The following EMILIN2 variants were observed in gnomAD, a reference collection of about 807,000 sequenced individuals.
EMILIN2 encodes the protein EMILIN-2.
In EMILIN2, 71 loss-of-function variants were observed where a neutral mutation model predicts 87.1. That is an observed-to-expected ratio of 0.82 (90% CI 0.67 to 0.99). The LOEUF is 0.99. EMILIN2 is among the 50% of genes least tolerant of loss of function. The pLI, the probability that EMILIN2 is intolerant of heterozygous loss-of-function variation, is 0.00. For synonymous variants in EMILIN2, 581 were observed against 563.4 expected (o/e 1.03, Z -0.44); for missense variants, 1,407 against 1,371.8 (o/e 1.03, Z -0.40).
At chr18:2,883,053 C>T (rs964965865) in intron 2 of EMILIN2, among the ~76,000 whole-genome samples, 7 of 152,230 alleles carry the variant, frequency 4.6e-5, no homozygotes, top group Admixed American at 1.3e-4. Flanking sequence ...AAACAAAAAA[C>T]ACAACAAAAA....
At chr18:2,883,259 T>A (rs1294499742) in intron 2 of EMILIN2, among the ~76,000 whole-genome samples, 1 of 76,036 alleles carries the variant, frequency 1.3e-5, no homozygotes, top group African/African-American at 5.0e-5. Flanking sequence ...ATTTGTGCTT[T>A]CCTCAGGGAG....
chr18:2,868,139 A>G (rs558612781), intron 2 of EMILIN2, among the ~76,000 whole-genome samples: 8 of 150,940 alleles, frequency 5.3e-5, no homozygotes, highest in Admixed American at 5.3e-4. Flanking sequence ...GTTGCCAGGC[A>G]GAGGGTCTCC....
chr18:2,874,139 C>A (rs2076736128), intron 2 of EMILIN2, among the ~76,000 whole-genome samples: 1 of 152,012 alleles, frequency 6.6e-6, no homozygotes, highest in Non-Finnish European at 1.5e-5. Flanking sequence ...GCATGGCCAC[C>A]TCCTCCATCA....
intron 4 of EMILIN2, among the ~76,000 whole-genome samples, chr18:2,902,492 C>T (rs945905789): frequency 3.9e-5 from 6 of 152,040 alleles, no homozygotes; most frequent in South Asian, 2.1e-4. Context: ...TTTTGAACTG[C>T]GACTTCAGGA....
rs371400660 is a variant in EMILIN2, at chr18:2,868,163, G to C, written c.258-16801G>C. 7.5e-3 allele frequency among the ~76,000 whole-genome samples: 1,147 copies of C among 152,274 alleles called. 4 individuals carry two copies. Among genetic ancestry groups the C allele is most frequent in the Admixed American group, 0.012 (190 of 15,292 alleles). On this transcript the variant is annotated intron_variant, in intron 2 of 7. Transcript: ENST00000254528. ...CAGAGGGTCTCCTCACTTCTCAGACGGGGTGGCTGGGCAGAGACGCTCCTC... is the reference window on the plus strand; with the variant it reads ...CAGAGGGTCTCCTCACTTCTCAGACCGGGTGGCTGGGCAGAGACGCTCCTC...
chr18:2,865,618 C>A (rs2076682589), intron 2 of EMILIN2, among the ~76,000 whole-genome samples: 1 of 152,218 alleles, frequency 6.6e-6, no homozygotes, highest in Admixed American at 6.5e-5. Context: ...GAGTCTGCCC[C>A]TACTGGGGGG....
At chr18:2,883,109 C>G (rs996765618) in intron 2 of EMILIN2, among the ~76,000 whole-genome samples, 8 of 152,122 alleles carry the variant, frequency 5.3e-5, no homozygotes, top group African/African-American at 1.9e-4. Context: ...GTCTAATGGG[C>G]TTGGCGGGTC....
chr18:2,889,093 CTTTCTT>C (rs371580646), intron 3 of EMILIN2, among the ~76,000 whole-genome samples: 153 of 138,690 alleles, frequency 1.1e-3, no homozygotes, highest in African/African-American at 3.3e-3. Flanking sequence ...GTATTTCTTT[CTTTCTT>C]TTTCTTTTTC....
intron 3 of EMILIN2, among the ~76,000 whole-genome samples, chr18:2,889,579 C>T (rs78219557): frequency 0.019 from 2,924 of 152,038 alleles, 101 homozygotes; most frequent in African/African-American, 0.066. Flanking sequence ...CTATCATTCC[C>T]CCCTTATTAA....
chr18:2,876,750 A>T (rs1373491516), intron 2 of EMILIN2, among the ~76,000 whole-genome samples: 2 of 152,126 alleles, frequency 1.3e-5, no homozygotes, highest in African/African-American at 2.4e-5. Flanking sequence ...TGGGAGACAG[A>T]GTGAGACTCT....
At chr18:2,884,245 C>A (rs987835431) in intron 2 of EMILIN2, among the ~76,000 whole-genome samples, 1 of 150,294 alleles carries the variant, frequency 6.7e-6, no homozygotes, top group Non-Finnish European at 1.5e-5. Context: ...CGTGAGCCAC[C>A]GCGCCCAGCC....
chr18:2,867,171 C>T (rs1027579552), intron 2 of EMILIN2, among the ~76,000 whole-genome samples: 6 of 151,832 alleles, frequency 4.0e-5, no homozygotes, highest in Non-Finnish European at 7.4e-5. Context: ...TTTGTTAGGT[C>T]GTTTCCTGGT....
At chr18:2,884,733 G>A (rs528615386) in intron 2 of EMILIN2, among the ~76,000 whole-genome samples, 8 of 152,278 alleles carry the variant, frequency 5.3e-5, no homozygotes, top group African/African-American at 1.9e-4. Flanking sequence ...GCTGGGAAAC[G>A]GGTGCTCAGG....
At chr18:2,885,204 C>T in intron 3 of EMILIN2, 65 bp downstream of exon 3, 2 of 1,488,458 alleles carry the variant, frequency 1.3e-6, no homozygotes, top group Admixed American at 4.4e-5. Flanking sequence ...CTTCAAACAA[C>T]AGGATTTGTG....
At chr18:2,885,234 G>C (rs1370412762) in intron 3 of EMILIN2, 95 bp downstream of exon 3, 2 of 1,365,708 alleles carry the variant, frequency 1.5e-6, no homozygotes, top group African/African-American at 1.5e-5. Context: ...GGTGAGCTTT[G>C]AATGGCCTTC....
intron 7 of EMILIN2, among the ~76,000 whole-genome samples, chr18:2,910,037 T>TA (rs1261588462): frequency 1.3e-5 from 2 of 152,080 alleles, no homozygotes; most frequent in Non-Finnish European, 2.9e-5. Context: ...CATGGGTGTG[T>TA]AACATTTTCT....
chr18:2,875,451 G>A (rs2076742731), intron 2 of EMILIN2, among the ~76,000 whole-genome samples: 1 of 152,298 alleles, frequency 6.6e-6, no homozygotes, highest in African/African-American at 2.4e-5. Flanking sequence ...GAATGGGATA[G>A]TATAGAATGT....
chr18:2,874,078 TG>T (rs776048125), intron 2 of EMILIN2, among the ~76,000 whole-genome samples: 23 of 151,642 alleles, frequency 1.5e-4, no homozygotes, highest in Non-Finnish European at 3.1e-4. Context: ...AAAAGTCCGT[TG>T]GCCACCCTGA....
Position 2,913,672 on chromosome 18 carries a change from C to T in EMILIN2, c.*268C>T, listed in dbSNP as rs2076953535. ...TTGGAAAGGCCTCCACCTGTATCTA[C>T]ACTCTGAGGGCCCTGGACTGGGCCT... On this transcript the variant is annotated 3_prime_UTR_variant, in exon 8 of 8. Coordinates refer to ENST00000254528, the MANE Select transcript of EMILIN2 (RefSeq NM_032048.3). 4.8e-6 allele frequency: 2 copies of T among 420,182 alleles called. No individual in the cohort carries two copies. Among genetic ancestry groups the T allele is most frequent in the Admixed American group, 4.2e-5 (1 of 23,618 alleles). The allele number at this position is 420,182 out of a possible 1,614,324, so 26.0% of individuals were successfully genotyped here. A position where few individuals can be genotyped will look rare whatever the true frequency, so the allele number is the denominator to read the frequency against.
Sources: allele counts gnomAD v4.1 joint callset (sites outside exome capture counted in the v4.1 genomes callset), GRCh38; gene constraint gnomAD v4.1.1; transcripts MANE v1.5; gene names NCBI Gene and HGNC (gene_info 2026-07-23, HGNC 2026-07-21).